ACAN: variants seen among roughly 807,000 people sequenced by gnomAD.
ACAN encodes the protein aggrecan.
A neutral mutation model predicts 169.1 loss-of-function variants in ACAN; 47 were observed. The ratio of observed to expected loss-of-function variants is 0.28; its 90% CI spans 0.22 to 0.35. The LOEUF (loss-of-function observed/expected upper bound fraction) is 0.35, where lower values mean the gene tolerates loss of function less well. Ranked by LOEUF, ACAN falls within the 10% of genes least tolerant of loss-of-function variation. ACAN has a pLI of 1.00. For synonymous variants in ACAN, 1,115 were observed against 1,112.2 expected (o/e 1.00, Z -0.05); for missense variants, 2,716 against 2,759.9 (o/e 0.98, Z 0.36).
chr15:88,861,163 A>G lies in ACAN; in HGVS notation c.6946+724A>G, dbSNP rs1209723760. ...CGTGGTCATGAGGACATCTCATCTC[A>G]TCTTATCAACATCACCACCTTGAGG... On this transcript the variant is annotated intron_variant, in intron 13 of 18. Coordinates refer to ENST00000560601, the MANE Select transcript of ACAN (RefSeq NM_001369268.1). This position sits in a 1 kb window ranked among gnomAD's most constrained non-coding sequence, Gnocchi z 6.3. Among the ~76,000 whole-genome samples the G allele has an allele frequency of 6.6e-6, 1 of 151,906 alleles. No homozygotes were observed. The highest frequency in any genetic ancestry group is 1.5e-5 in the Non-Finnish European group (1 of 68,016).
At position 88,847,875 on chromosome 15, in the gene ACAN, C is replaced by T. The variant is rs746530817; in HGVS notation, c.1605-36C>T. The T allele has an allele frequency of 8.7e-6, 14 of 1,606,214 alleles. No individual in the cohort carries two copies. In the South Asian group the frequency reaches 1.6e-4, roughly 18 times the overall value. Reference sequence around the variant, plus strand: ...GCCGTGCATCTACCAGCCCCTGGAACAGGCCTTCATCTTCTCCTCCCACTC... The same window carrying T: ...GCCGTGCATCTACCAGCCCCTGGAATAGGCCTTCATCTTCTCCTCCCACTC... On this transcript the variant is annotated intron_variant, in intron 8 of 18. Coordinates refer to ENST00000560601, the MANE Select transcript of ACAN (RefSeq NM_001369268.1).
chr15:88,857,960 T>A lies in ACAN; in HGVS notation c.5375T>A (p.Val1792Asp), dbSNP rs771069320. ...GATCTGAGTGGAGAAACATCTGGGGTCCCTGATCTCAGTGGGCAGCCTTCA... is the reference window on the plus strand; with the variant it reads ...GATCTGAGTGGAGAAACATCTGGGGACCCTGATCTCAGTGGGCAGCCTTCA... ...ITDLSGETSG[V>D]PDLSGQPSGL... The change falls in exon 12 of 19, where the codon GTC (valine) becomes GAC (aspartate). Residue 1792 changes from valine to aspartate, a missense_variant. Coordinates refer to ENST00000560601, the MANE Select transcript of ACAN (RefSeq NM_001369268.1). 1.5e-5 allele frequency: 24 copies of A among 1,613,618 alleles called. No homozygotes were observed. Among genetic ancestry groups the A allele is most frequent in the Non-Finnish European group, 1.9e-5 (22 of 1,179,868 alleles).
intron 10 of ACAN, chr15:88,850,396 T>C (rs1443471616): frequency 1.9e-5 from 3 of 158,044 alleles, no homozygotes; most frequent in East Asian, 3.7e-4. Context: ...TCAAGCAATA[T>C]AGTAAGCATG....
Position 88,852,015 on chromosome 15 carries a change from G to A in ACAN, c.2248G>A (p.Gly750Ser), listed in dbSNP as rs1896943370. ...TEWEPAYTPV[G>S]TSPLPGILPT... Reference sequence around the variant, plus strand: ...ATGGGAACCAGCCTATACCCCAGTGGGCACATCCCCGCTGCCAGGTTGGTA... The same window carrying A: ...ATGGGAACCAGCCTATACCCCAGTGAGCACATCCCCGCTGCCAGGTTGGTA... Residue 750 changes from glycine (G) to serine (S), a missense_variant, in exon 11 of 19, where the codon GGC (glycine) becomes AGC (serine). Transcript: ENST00000560601. 1.2e-6 allele frequency: 2 copies of A among 1,606,804 alleles called. No homozygotes were observed. The highest frequency in any genetic ancestry group is 4.5e-5 in the East Asian group (2 of 44,398).
rs1469217265 is a variant in ACAN, at chr15:88,872,529, G to A, written c.7303-352G>A. On this transcript the variant is annotated intron_variant, in intron 16 of 18. Coordinates refer to ENST00000560601, the MANE Select transcript of ACAN (RefSeq NM_001369268.1). The surrounding 1 kb of genome is among the most constrained non-coding windows in gnomAD (Gnocchi z 5.4). Reference sequence around the variant, plus strand: ...TGGGCAGAAGCTGGACTTAAGAGCTGTGTTCCTACCATCCATCCCTACCCA... The same window carrying A: ...TGGGCAGAAGCTGGACTTAAGAGCTATGTTCCTACCATCCATCCCTACCCA... Among the ~76,000 whole-genome samples the A allele has an allele frequency of 6.6e-6, 1 of 152,138 alleles. No homozygotes were observed.
chr15:88,847,761 C>T, intron 8 of ACAN, 150 bp from the exon 9 acceptor site: 1 of 1,057,566 alleles, frequency 9.5e-7, no homozygotes, highest in Non-Finnish European at 1.3e-6. Flanking sequence ...AGAGAACTTG[C>T]TGCATAAGGG....
chr15:88,821,225 G>A (rs960014995), intron 1 of ACAN, among the ~76,000 whole-genome samples: 13 of 152,236 alleles, frequency 8.5e-5, no homozygotes, highest in African/African-American at 3.1e-4. Context: ...CTGCAGCCTT[G>A]ACCTCCCAGG....
chr15:88,815,756 T>G (rs574348242), intron 1 of ACAN, among the ~76,000 whole-genome samples: 1 of 150,680 alleles, frequency 6.6e-6, no homozygotes, highest in Non-Finnish European at 1.5e-5. Flanking sequence ...GACTACCAAG[T>G]AAGATTGGGG....
rs1246065119 is a variant in ACAN, at chr15:88,843,850, A to T, written c.1051+202A>T. 6.6e-6 allele frequency among the ~76,000 whole-genome samples: 1 copy of T among 152,168 alleles called. No individual in the cohort carries two copies. The highest frequency in any genetic ancestry group is 1.5e-5 in the Non-Finnish European group (1 of 68,032). On this transcript the variant is annotated intron_variant, in intron 6 of 18. Transcript: ENST00000560601. This position sits in a 1 kb window ranked among gnomAD's most constrained non-coding sequence, Gnocchi z 4.0. ...GTAGAGACTCTTGAGACTGCAGCGTATCTAGCTCTGTCTCATCGGATCAGC... is the reference window on the plus strand; with the variant it reads ...GTAGAGACTCTTGAGACTGCAGCGTTTCTAGCTCTGTCTCATCGGATCAGC...
At chr15:88,864,291 A>G (rs28541702) in intron 13 of ACAN, among the ~76,000 whole-genome samples, 38,341 of 151,464 alleles carry the variant, frequency 0.25, 9,009 homozygotes, top group African/African-American at 0.62. Context: ...TTTTTAAGAC[A>G]GAGTCTCGCA....
Position 88,859,134 on chromosome 15 carries a change from C to T in ACAN, c.6549C>T (p.Gly2183=), listed in dbSNP as rs371290730. The change falls in exon 12 of 19, where the codon GGC becomes GGT. Residue 2183 remains glycine, a synonymous_variant. Coordinates refer to ENST00000560601, the MANE Select transcript of ACAN (RefSeq NM_001369268.1). ...TTSDVGTEAP[G]LPSATPTASG... is the part of the protein sequence containing the mutation. The stretch of plus-strand genomic sequence containing the variant: ...GTGATGTGGGGACAGAGGCACCAGG[C>T]TTGCCTTCAGCCACTCCCACGGCTT... The T allele has an allele frequency of 6.2e-7, 1 of 1,613,842 alleles. No individual in the cohort carries two copies. Among genetic ancestry groups the T allele is most frequent in the Non-Finnish European group, 8.5e-7 (1 of 1,179,902 alleles).
chr15:88,859,649 A>C (rs1314227136), intron 12 of ACAN, among the ~76,000 whole-genome samples: 1 of 152,228 alleles, frequency 6.6e-6, no homozygotes, highest in Non-Finnish European at 1.5e-5. Flanking sequence ...TAGATAAAGC[A>C]AGCACTTAGC....
In ACAN at chr15:88,807,785, T is replaced by TGCGC. The variant is rs554628479; in HGVS notation, c.-8+3978_-8+3979insGCGC. On this transcript the variant is annotated intron_variant, in intron 1 of 18. Coordinates refer to ENST00000560601, the MANE Select transcript of ACAN (RefSeq NM_001369268.1). The surrounding 1 kb of genome is among the most constrained non-coding windows in gnomAD (Gnocchi z 4.0). ...GTGTGTGTGTGTGTGTGTGTGTGTG[T>TGCGC]GCATGCTGGCAGGGCGGGCCCTGCG... is the stretch of plus-strand genomic sequence containing the variant. Among the ~76,000 whole-genome samples, 1 of 151,580 alleles carries TGCGC rather than the reference T, an allele frequency of 6.6e-6. No individual in the cohort carries two copies. Among genetic ancestry groups the TGCGC allele is most frequent in the Non-Finnish European group, 1.5e-5 (1 of 67,810 alleles).
chr15:88,873,954 G>C lies in ACAN; in HGVS notation c.7560G>C (p.Gln2520His), dbSNP rs1245404838. The C allele has an allele frequency of 6.2e-7, 1 of 1,613,498 alleles. No individual in the cohort carries two copies. Among genetic ancestry groups the C allele is most frequent in the South Asian group, 1.1e-5 (1 of 91,074 alleles). Reference protein sequence around the residue: ...VRYQCTEGFVQRHMPTIRCQP... With the variant: ...VRYQCTEGFVHRHMPTIRCQP... Reference sequence around the variant, plus strand: ...ACCAGTGCACAGAGGGGTTTGTCCAGCGCCACATGCCCACCATCCGGTGCC... The same window carrying C: ...ACCAGTGCACAGAGGGGTTTGTCCACCGCCACATGCCCACCATCCGGTGCC... Residue 2520 changes from glutamine to histidine, a missense_variant, in exon 18 of 19, where the codon CAG (glutamine) becomes CAC (histidine). By Grantham distance (24) the Gln-to-His change is conservative. Coordinates refer to ENST00000560601, the MANE Select transcript of ACAN (RefSeq NM_001369268.1). The surrounding 1 kb of genome is among the most constrained non-coding windows in gnomAD (Gnocchi z 7.5).
rs143918838 is a variant in ACAN, at chr15:88,823,565, G to A, written c.-7-12635G>A. Reference sequence around the variant, plus strand: ...TTGAGAGTGGGGAGGGGTAAGAATCGTGGGAAAAGGCTGATGGTGTTCAGC... The same window carrying A: ...TTGAGAGTGGGGAGGGGTAAGAATCATGGGAAAAGGCTGATGGTGTTCAGC... On this transcript the variant is annotated intron_variant, in intron 1 of 18. Coordinates refer to ENST00000560601, the MANE Select transcript of ACAN (RefSeq NM_001369268.1). Among the ~76,000 whole-genome samples the A allele has an allele frequency of 1.1e-3, 167 of 152,214 alleles. 1 individual carries two copies. Among genetic ancestry groups the A allele is most frequent in the Middle Eastern group, 3.4e-3 (1 of 294 alleles).
intron 1 of ACAN, among the ~76,000 whole-genome samples, chr15:88,834,352 C>T (rs1171375113): frequency 1.3e-5 from 2 of 152,196 alleles, no homozygotes; most frequent in Admixed American, 6.5e-5. Context: ...AAGGGTCACT[C>T]GGAGTCCTGG....
chr15:88,844,105 G>C (rs572114404), intron 6 of ACAN, among the ~76,000 whole-genome samples: 1 of 152,236 alleles, frequency 6.6e-6, no homozygotes, highest in African/African-American at 2.4e-5. Flanking sequence ...ATGTCTAAAA[G>C]GAGGGTCAAA....
rs556016325 is a variant in ACAN, at chr15:88,822,709, C to T, written c.-7-13491C>T. ...TCAGCCTCCCAAAGTGCTGGGATTA[C>T]AGGCGTGAGCCACCACGCCTGGCCG... is the stretch of plus-strand genomic sequence containing the variant. On this transcript the variant is annotated intron_variant, in intron 1 of 18. Transcript: ENST00000560601. Among the ~76,000 whole-genome samples the T allele has an allele frequency of 1.1e-4, 16 of 152,302 alleles. No homozygotes were observed. The South Asian group carries it at 3.3e-3, about 32-fold the overall frequency.
In ACAN at chr15:88,861,348, G is replaced by A. The variant is rs983028924; in HGVS notation, c.6946+909G>A. Among the ~76,000 whole-genome samples the A allele has an allele frequency of 6.6e-6, 1 of 152,000 alleles. No homozygotes were observed. Among genetic ancestry groups the A allele is most frequent in the Admixed American group, 6.6e-5 (1 of 15,258 alleles). On this transcript the variant is annotated intron_variant, in intron 13 of 18. Coordinates refer to ENST00000560601, the MANE Select transcript of ACAN (RefSeq NM_001369268.1). The surrounding 1 kb of genome is among the most constrained non-coding windows in gnomAD (Gnocchi z 6.3). ...AGGACATGTGCAAAAATGAAAAAAC[G>A]AATCCTGGAGAAAAAACAATCACTT...
Sources: allele counts gnomAD v4.1 joint callset (sites outside exome capture counted in the v4.1 genomes callset), GRCh38; gene constraint gnomAD v4.1.1; non-coding constraint Gnocchi (gnomAD v3.1); transcripts MANE v1.5; gene names NCBI Gene and HGNC (gene_info 2026-07-23, HGNC 2026-07-21).